Variants in CIDEA observed in about 807,000 individuals in gnomAD.
CIDEA encodes the protein lipid transferase CIDEA.
Under a neutral mutation model 18.2 loss-of-function variants are expected in CIDEA, and 10 were observed. That is an observed-to-expected ratio of 0.55 (90% CI 0.34 to 0.93). CIDEA has a LOEUF of 0.93. Ranked by LOEUF, CIDEA falls within the 40% of genes least tolerant of loss-of-function variation. The probability of loss-of-function intolerance (pLI) is 0.02; values close to 1 mark genes in which losing one functional copy is unlikely to be tolerated. For synonymous variants in CIDEA, 128 were observed against 124.8 expected (o/e 1.03, Z -0.17); for missense variants, 309 against 293.1 (o/e 1.05, Z -0.40).
intron 3 of CIDEA, among the ~76,000 whole-genome samples, chr18:12,268,715 A>G (rs1405647201): frequency 3.9e-5 from 6 of 152,130 alleles, no homozygotes; most frequent in Non-Finnish European, 1.5e-5. Flanking sequence ...ATTCAAATTC[A>G]AATTGTTTGG....
intron 3 of CIDEA, among the ~76,000 whole-genome samples, chr18:12,272,419 G>A (rs1232441193): frequency 2.6e-5 from 4 of 151,424 alleles, no homozygotes; most frequent in African/African-American, 9.7e-5. Flanking sequence ...CGCCATGTTG[G>A]CCAGGCTGAT....
At chr18:12,272,141 T>A (rs1378302443) in intron 3 of CIDEA, among the ~76,000 whole-genome samples, 2 of 3,542 alleles carry the variant, frequency 5.6e-4, no homozygotes, top group Non-Finnish European at 1.5e-3. Context: ...CAGCTTTGAG[T>A]GTGTGTGTGG....
chr18:12,254,613 C>T, intron 1 of CIDEA, 192 bp downstream of exon 1: 2 of 1,468,768 alleles, frequency 1.4e-6, no homozygotes, highest in Non-Finnish European at 1.8e-6. Flanking sequence ...TCCAGCCGCG[C>T]CCGCGGGCAG....
At chr18:12,270,121 T>A (rs1383441230) in intron 3 of CIDEA, among the ~76,000 whole-genome samples, 1 of 152,090 alleles carries the variant, frequency 6.6e-6, no homozygotes, top group East Asian at 1.9e-4. Flanking sequence ...ATTAACAATA[T>A]AATGTTTGAG....
At chr18:12,258,683 T>G (rs1392922195) in intron 1 of CIDEA, among the ~76,000 whole-genome samples, 1 of 152,228 alleles carries the variant, frequency 6.6e-6, no homozygotes, top group Non-Finnish European at 1.5e-5. Flanking sequence ...GGAGCTGGAT[T>G]CAGACCCTGG....
intron 3 of CIDEA, among the ~76,000 whole-genome samples, chr18:12,271,102 T>C (rs1307256005): frequency 6.6e-6 from 1 of 152,032 alleles, no homozygotes; most frequent in African/African-American, 2.4e-5. Context: ...TTTCGCCATG[T>C]TGGCCAGGCT....
chr18:12,255,136 C>G (rs1385237354), intron 1 of CIDEA, among the ~76,000 whole-genome samples: 1 of 152,220 alleles, frequency 6.6e-6, no homozygotes, highest in African/African-American at 2.4e-5. Context: ...ATATTCATAT[C>G]CCAACAGACC....
At chr18:12,274,929 G>A (rs879177179) in intron 4 of CIDEA, among the ~76,000 whole-genome samples, 1 of 152,230 alleles carries the variant, frequency 6.6e-6, no homozygotes, top group Admixed American at 6.5e-5. Context: ...CATTGAGCCT[G>A]GGACTGAGAG....
Position 12,274,186 on chromosome 18 carries a change from A to G in CIDEA, c.424A>G (p.Ile142Val). ...GTACAGGCTGAACCCCAAGGACTTC[A>G]TCGGCTGCCTTAACGTGAAGGCCAC... is the stretch of plus-strand genomic sequence containing the variant. ...DLYRLNPKDF[I>V]GCLNVKATMY... The change falls in exon 4 of 5, where the codon ATC (isoleucine) becomes GTC (valine). Residue 142 changes from isoleucine (I) to valine (V), a missense_variant. Ile to Val is a conservative substitution (Grantham distance 29, BLOSUM62 3). Coordinates refer to ENST00000320477, the MANE Select transcript of CIDEA (RefSeq NM_001279.4). 2.5e-6 allele frequency: 4 copies of G among 1,614,198 alleles called. No homozygotes were observed. The highest frequency in any genetic ancestry group is 3.4e-6 in the Non-Finnish European group (4 of 1,180,042).
intron 1 of CIDEA, among the ~76,000 whole-genome samples, chr18:12,261,717 C>A (rs1912197330): frequency 2.0e-5 from 3 of 151,976 alleles, no homozygotes; most frequent in Admixed American, 2.0e-4. Context: ...GAGAGTATAG[C>A]TGCACCACCA....
At chr18:12,264,251 T>A in intron 2 of CIDEA, 56 bp from the exon 3 acceptor site, 1 of 1,452,444 alleles carries the variant, frequency 6.9e-7, no homozygotes, top group Non-Finnish European at 9.2e-7. Flanking sequence ...TGTCATTGGC[T>A]GGTCACATGG....
Position 12,261,256 on chromosome 18 carries a change from C to T in CIDEA, c.39-1569C>T, listed in dbSNP as rs58968787. ...AAAATTAGCTGGCCATGGTGGTGCA[C>T]GCCTGCAATCCCAGCTACTCAGGAG... is the stretch of plus-strand genomic sequence containing the variant. On this transcript the variant is annotated intron_variant, in intron 1 of 4. Coordinates refer to ENST00000320477, the MANE Select transcript of CIDEA (RefSeq NM_001279.4). Among the ~76,000 whole-genome samples the T allele has an allele frequency of 2.3e-4, 35 of 152,194 alleles. No individual in the cohort carries two copies. In the East Asian group the frequency reaches 3.7e-3, roughly 16 times the overall value.
Position 12,257,847 on chromosome 18 carries a change from C to T in CIDEA, c.38+3426C>T, listed in dbSNP as rs537536109. Among the ~76,000 whole-genome samples the T allele has an allele frequency of 9.2e-5, 14 of 152,224 alleles. No individual in the cohort carries two copies. In the South Asian group the frequency reaches 1.0e-3, roughly 11 times the overall value. ...CGCTCAGTGGCCCTGCTTTTAGGCA[C>T]GGTGCTGATGGCCAGTGATAGAGAT... On this transcript the variant is annotated intron_variant, in intron 1 of 4. Coordinates refer to ENST00000320477, the MANE Select transcript of CIDEA (RefSeq NM_001279.4).
At chr18:12,269,309 C>T (rs1299314935) in intron 3 of CIDEA, among the ~76,000 whole-genome samples, 1 of 152,168 alleles carries the variant, frequency 6.6e-6, no homozygotes, top group Non-Finnish European at 1.5e-5. Context: ...AAAATCCATC[C>T]TGACACAGAT....
intron 3 of CIDEA, among the ~76,000 whole-genome samples, chr18:12,270,894 C>CTTTTTTTTTTTTTTTT (rs771335202): frequency 1.7e-4 from 10 of 60,000 alleles, no homozygotes; most frequent in Non-Finnish European, 1.7e-4. Flanking sequence ...TTTTTCTTTT[C>CTTTTTTTTTTTTTTTT]TTTTTTTTTT....
At chr18:12,273,881 G>C (rs1208603305) in intron 3 of CIDEA, among the ~76,000 whole-genome samples, 2 of 152,224 alleles carry the variant, frequency 1.3e-5, no homozygotes, top group Non-Finnish European at 2.9e-5. Context: ...ACTGAAGGCA[G>C]ATCAGGGACA....
intron 1 of CIDEA, chr18:12,254,753 C>T (rs1487610426): frequency 4.9e-6 from 7 of 1,416,120 alleles, no homozygotes; most frequent in Non-Finnish European, 5.7e-6. Flanking sequence ...CATCTCTGGC[C>T]GCTGCTGCAG....
At chr18:12,263,111 A>G in intron 2 of CIDEA, 142 bp downstream of exon 2, 1 of 814,894 alleles carries the variant, frequency 1.2e-6, no homozygotes, top group Middle Eastern at 3.8e-4. Context: ...GGGGAGAGAA[A>G]TTGGGAATGA....
chr18:12,272,154 G>GGGT (rs1349359315), intron 3 of CIDEA, among the ~76,000 whole-genome samples: 1 of 14,316 alleles, frequency 7.0e-5, no homozygotes, highest in Admixed American at 7.5e-4. Flanking sequence ...GTGTGTGGGG[G>GGGT]GGGGGGGTTG....
Sources: allele counts gnomAD v4.1 joint callset (sites outside exome capture counted in the v4.1 genomes callset), GRCh38; gene constraint gnomAD v4.1.1; transcripts MANE v1.5; gene names NCBI Gene and HGNC (gene_info 2026-07-23, HGNC 2026-07-21).